Variants in ADARB2 observed in about 807,000 individuals in gnomAD.
ADARB2 encodes the protein adenosine deaminase RNA specific B2 (inactive), also known as inactive double-stranded RNA-specific editase B2.
Under a neutral mutation model 62.2 loss-of-function variants are expected in ADARB2, and 25 were observed. The observed-to-expected ratio is 0.40, with a 90% CI of 0.29 to 0.56. The LOEUF (loss-of-function observed/expected upper bound fraction) is 0.56. Ranked by LOEUF, ADARB2 falls within the 20% of genes least tolerant of loss-of-function variation. ADARB2 has a pLI of 0.43. For missense variants in ADARB2, 1,071 were observed against 1,077.4 expected (o/e 0.99, Z 0.08); for synonymous variants, 572 against 500.8 (o/e 1.14, Z -1.90).
At chr10:1,326,732 TGGCACGGCGCCTCCCGAC>T (rs1328325952) in intron 3 of ADARB2, among the ~76,000 whole-genome samples, 5 of 93,364 alleles carry the variant, frequency 5.4e-5, no homozygotes, top group East Asian at 6.4e-4. Flanking sequence ...CGCCTCCCCA[TGGCACGGCGCCTCCCGAC>T]GGCACGGCGC....
At chr10:1,658,280 C>A in intron 1 of ADARB2, among the ~76,000 whole-genome samples, 1 of 150,472 alleles carries the variant, frequency 6.6e-6, no homozygotes, top group African/African-American at 2.5e-5. Flanking sequence ...TTTTCTCTGT[C>A]TCTCTCTCTA....
chr10:1,382,395 G>T (rs1469841785), intron 1 of ADARB2, among the ~76,000 whole-genome samples: 2 of 152,208 alleles, frequency 1.3e-5, no homozygotes, highest in Non-Finnish European at 2.9e-5. Context: ...CACCGTGAAG[G>T]CACATAAGCT....
chr10:1,577,955 G>A (rs928459718), intron 1 of ADARB2, among the ~76,000 whole-genome samples: 9 of 152,228 alleles, frequency 5.9e-5, no homozygotes, highest in African/African-American at 2.2e-4. Context: ...AGAAGACAGT[G>A]GCTGCAAGCC....
chr10:1,296,874 C>G (rs1291197451), intron 3 of ADARB2, among the ~76,000 whole-genome samples: 2 of 152,204 alleles, frequency 1.3e-5, no homozygotes, highest in Admixed American at 1.3e-4. Context: ...CACTCCTTCT[C>G]TGCTCCCAGC....
Position 1,713,276 on chromosome 10 carries a change from C to T in ADARB2, c.100+23775G>A, listed in dbSNP as rs79713504. Among the ~76,000 whole-genome samples the T allele has an allele frequency of 7.4e-3, 1,128 of 152,308 alleles. 17 individuals are homozygous for T. The highest frequency in any genetic ancestry group is 0.026 in the African/African-American group (1,070 of 41,552). ...TTCAAGAAAGCTTAAGTGGATCCTA[C>T]AGCGCTTGGGATGAAATTCTCTCTT... On this transcript the variant is annotated intron_variant, in intron 1 of 9. Transcript: ENST00000381312.
intron 1 of ADARB2, among the ~76,000 whole-genome samples, chr10:1,735,938 T>C (rs1270886001): frequency 6.6e-6 from 1 of 152,202 alleles, no homozygotes; most frequent in African/African-American, 2.4e-5. Flanking sequence ...TAGAAACTTA[T>C]CTTAGGCCAA....
At chr10:1,515,930 TCTC>T (rs1465319431) in intron 1 of ADARB2, among the ~76,000 whole-genome samples, 2 of 152,228 alleles carry the variant, frequency 1.3e-5, no homozygotes, top group South Asian at 4.1e-4. Context: ...ATTCTTGCTG[TCTC>T]CTCATGTCAA....
rs1218281784 is a variant in ADARB2, at chr10:1,540,973, G to A, written c.101-161813C>T. ...GCAGTTCAGACCCTGGATCACAGCC[G>A]TCCAGACTCCACTCAGACTCAGTTC... On this transcript the variant is annotated intron_variant, in intron 1 of 9. Transcript: ENST00000381312. 6.9e-5 allele frequency among the ~76,000 whole-genome samples: 4 copies of A among 58,124 alleles called. 1 individual carries two copies. Among genetic ancestry groups the A allele is most frequent in the African/African-American group, 1.5e-4 (2 of 13,598 alleles). 38.1% of individuals were successfully genotyped at this position (58,124 alleles called of 152,430 possible). A position where few individuals can be genotyped will look rare whatever the true frequency, so the allele number is the denominator to read the frequency against.
At chr10:1,640,250 C>T (rs1833964897) in intron 1 of ADARB2, among the ~76,000 whole-genome samples, 1 of 152,160 alleles carries the variant, frequency 6.6e-6, no homozygotes, top group Non-Finnish European at 1.5e-5. Flanking sequence ...AGTCTTACTC[C>T]TTAAGTGGAA....
At chr10:1,677,060 G>C (rs923591646) in intron 1 of ADARB2, among the ~76,000 whole-genome samples, 1 of 152,236 alleles carries the variant, frequency 6.6e-6, no homozygotes, top group Non-Finnish European at 1.5e-5. Flanking sequence ...CTTCACCCCA[G>C]CACTAAGGAG....
At chr10:1,718,246 C>T (rs574165665) in intron 1 of ADARB2, among the ~76,000 whole-genome samples, 29 of 152,228 alleles carry the variant, frequency 1.9e-4, no homozygotes, top group African/African-American at 6.5e-4. Flanking sequence ...TATATTTGGT[C>T]GTACTTTTTT....
At chr10:1,463,794 A>G (rs1831207636) in intron 1 of ADARB2, among the ~76,000 whole-genome samples, 1 of 152,238 alleles carries the variant, frequency 6.6e-6, no homozygotes. Flanking sequence ...CCAATGCTGG[A>G]CCAGTATCCA....
chr10:1,399,920 C>G (rs1832647934), intron 1 of ADARB2, among the ~76,000 whole-genome samples: 1 of 152,220 alleles, frequency 6.6e-6, no homozygotes, highest in African/African-American at 2.4e-5. Context: ...GCCTTGCATT[C>G]TAGGATGTCA....
chr10:1,714,243 G>C (rs1834987613), intron 1 of ADARB2, among the ~76,000 whole-genome samples: 1 of 152,188 alleles, frequency 6.6e-6, no homozygotes, highest in Non-Finnish European at 1.5e-5. Context: ...GATTGCGTTC[G>C]CAGCTGTCAT....
At chr10:1,245,863 T>C (rs1320845017) in intron 4 of ADARB2, among the ~76,000 whole-genome samples, 2 of 151,816 alleles carry the variant, frequency 1.3e-5, no homozygotes, top group African/African-American at 4.8e-5. Context: ...AGTAATGGGA[T>C]GGCTGGATCA....
intron 1 of ADARB2, among the ~76,000 whole-genome samples, chr10:1,682,927 G>T (rs962903134): frequency 6.6e-6 from 1 of 152,220 alleles, no homozygotes; most frequent in African/African-American, 2.4e-5. Context: ...GCCAACACCT[G>T]ATACAGCTCT....
At chr10:1,340,674 T>C (rs61833572) in intron 3 of ADARB2, among the ~76,000 whole-genome samples, 169 of 6,040 alleles carry the variant, frequency 0.028, 43 homozygotes, top group South Asian at 0.067. Flanking sequence ...GAGAACCACG[T>C]GCCCCACAGT....
chr10:1,333,835 A>G (rs989613660), intron 3 of ADARB2, among the ~76,000 whole-genome samples: 1 of 152,198 alleles, frequency 6.6e-6, no homozygotes, highest in Non-Finnish European at 1.5e-5. Flanking sequence ...AGGGATGCTA[A>G]TTCCTAGGGA....
intron 1 of ADARB2, among the ~76,000 whole-genome samples, chr10:1,491,294 T>C (rs1381161040): frequency 6.6e-6 from 1 of 152,152 alleles, no homozygotes; most frequent in Non-Finnish European, 1.5e-5. Context: ...GGTCTGGAAC[T>C]CCTGGGCTCA....
Sources: allele counts gnomAD v4.1 joint callset (sites outside exome capture counted in the v4.1 genomes callset), GRCh38; gene constraint gnomAD v4.1.1; transcripts MANE v1.5; gene names NCBI Gene and HGNC (gene_info 2026-07-23, HGNC 2026-07-21).